The following SLC4A4 variants were observed in gnomAD, a reference collection of about 807,000 sequenced individuals.
SLC4A4 encodes the protein solute carrier family 4 member 4.
SLC4A4 carries 27 observed loss-of-function variants against 111.5 expected under a neutral mutation model. The ratio of observed to expected loss-of-function variants is 0.24; its 90% confidence interval spans 0.18 to 0.33. SLC4A4 has a LOEUF of 0.33. Ranked by LOEUF, SLC4A4 falls within the 10% of genes least tolerant of loss-of-function variation. The probability of loss-of-function intolerance (pLI) is 1.00; values close to 1 mark genes in which losing one functional copy is unlikely to be tolerated. For synonymous variants in SLC4A4, 443 were observed against 463.4 expected (o/e 0.96, Z 0.57); for missense variants, 909 against 1,315.5 (o/e 0.69, Z 4.78).
chr4:71,155,436 G>A (rs1410194868), intron 2 of SLC4A4, among the ~76,000 whole-genome samples: 1 of 151,998 alleles, frequency 6.6e-6, no homozygotes, highest in African/African-American at 2.4e-5. Context: ...CACAATTAAG[G>A]GGAAGCTCCA....
chr4:71,423,979 A>G (rs1379479516), intron 7 of SLC4A4, among the ~76,000 whole-genome samples: 2 of 151,446 alleles, frequency 1.3e-5, no homozygotes, highest in African/African-American at 4.8e-5. Context: ...ACAAAAGCCA[A>G]AATTGACAAA....
chr4:71,449,959 C>T (rs934384565), intron 9 of SLC4A4, among the ~76,000 whole-genome samples: 1 of 152,140 alleles, frequency 6.6e-6, no homozygotes, highest in Non-Finnish European at 1.5e-5. Context: ...GGTCTTAACC[C>T]GATCTTAACA....
intron 14 of SLC4A4, chr4:71,473,215 C>T (rs1728049813): frequency 3.1e-6 from 2 of 639,730 alleles, no homozygotes; most frequent in African/African-American, 1.8e-5. Flanking sequence ...TTGAAATTAA[C>T]TCAAACTGTG....
chr4:71,142,757 C>T (rs1213009317), intron 2 of SLC4A4, among the ~76,000 whole-genome samples: 1 of 128,046 alleles, frequency 7.8e-6, no homozygotes, highest in African/African-American at 2.8e-5. Flanking sequence ...AAACTTTTCT[C>T]ACTCTTTTTT....
intron 1 of SLC4A4, among the ~76,000 whole-genome samples, chr4:71,228,037 T>C (rs1719164753): frequency 6.6e-6 from 1 of 152,048 alleles, no homozygotes; most frequent in African/African-American, 2.4e-5. Flanking sequence ...TGAGTGTGAG[T>C]GTAGGCTAAG....
In SLC4A4 at chr4:71,248,017, CTTCTGGACAGAG is replaced by C. The variant is rs368999126; in HGVS notation, c.74-7200_74-7189del. On this transcript the variant is annotated intron_variant, in intron 2 of 25. Coordinates refer to ENST00000264485, the MANE Select transcript of SLC4A4 (RefSeq NM_001098484.3). ...CAGGGTGGAGATTGCCAAGCCCTTG[CTTCTGGACAGAG>C]TTAGGGAAGATTGAGGTTATGGAAG... Among the ~76,000 whole-genome samples, 406 of 152,258 alleles carry C rather than the reference CTTCTGGACAGAG, an allele frequency of 2.7e-3. 4 individuals are homozygous for C. Among genetic ancestry groups the C allele is most frequent in the African/African-American group, 9.5e-3 (395 of 41,552 alleles).
intron 18 of SLC4A4, among the ~76,000 whole-genome samples, chr4:71,538,080 G>T (rs1437098379): frequency 7.1e-6 from 1 of 141,392 alleles, no homozygotes; most frequent in Non-Finnish European, 1.5e-5. Context: ...TTTACCAAAG[G>T]CTAGAAATGG....
chr4:71,413,732 A>G (rs1231429751), intron 7 of SLC4A4, among the ~76,000 whole-genome samples: 1 of 152,142 alleles, frequency 6.6e-6, no homozygotes, highest in Non-Finnish European at 1.5e-5. Context: ...ACATGTATTA[A>G]CTTCTCTGGT....
intron 2 of SLC4A4, among the ~76,000 whole-genome samples, chr4:71,099,049 T>A (rs933388646): frequency 2.0e-5 from 3 of 152,116 alleles, no homozygotes; most frequent in Non-Finnish European, 4.4e-5. Context: ...AGATAGATCA[T>A]TGACGCAGAA....
chr4:71,426,233 G>A (rs1273981223), intron 7 of SLC4A4, among the ~76,000 whole-genome samples: 1 of 152,014 alleles, frequency 6.6e-6, no homozygotes, highest in Admixed American at 6.6e-5. Flanking sequence ...AATGAGGCAT[G>A]TCTTACCCCT....
In SLC4A4 at chr4:71,420,725, C is replaced by A. The variant is rs1236812373; in HGVS notation, c.808-19891C>A. On this transcript the variant is annotated intron_variant, in intron 7 of 25. Transcript: ENST00000264485. ...AATTTTCAACCCAGAATTTCATATC[C>A]AGCCAAACTAAGCTTCATAAGTGAA... Among the ~76,000 whole-genome samples the A allele has an allele frequency of 1.1e-3, 169 of 148,366 alleles. 2 individuals carry two copies. The highest frequency in any genetic ancestry group is 1.2e-3 in the Non-Finnish European group (78 of 66,330).
intron 15 of SLC4A4, among the ~76,000 whole-genome samples, chr4:71,490,129 CA>C (rs1032175093): frequency 2.6e-5 from 4 of 151,736 alleles, no homozygotes; most frequent in Non-Finnish European, 5.9e-5. Flanking sequence ...ACTTGCAAAC[CA>C]AATTCCTTAA....
At chr4:71,205,323 CTGA>C (rs1210876126) in intron 1 of SLC4A4, among the ~76,000 whole-genome samples, 2 of 152,168 alleles carry the variant, frequency 1.3e-5, no homozygotes, top group African/African-American at 2.4e-5. Context: ...GTGATTATTT[CTGA>C]TGAATGTTGT....
chr4:71,327,195 C>T (rs1560412480), intron 3 of SLC4A4, among the ~76,000 whole-genome samples: 1 of 151,994 alleles, frequency 6.6e-6, no homozygotes, highest in Non-Finnish European at 1.5e-5. Context: ...CAAAAGGGTA[C>T]ATTCGCAAAA....
chr4:71,523,254 A>G (rs1443947695), intron 16 of SLC4A4, among the ~76,000 whole-genome samples: 1 of 152,190 alleles, frequency 6.6e-6, no homozygotes, highest in East Asian at 1.9e-4. Context: ...CTCTGCTATC[A>G]CTAAAGGAGA....
intron 2 of SLC4A4, among the ~76,000 whole-genome samples, chr4:71,240,943 C>T (rs1045745930): frequency 2.6e-5 from 4 of 151,642 alleles, no homozygotes; most frequent in Admixed American, 1.3e-4. Context: ...CATGGCAAAA[C>T]CCCATGTCTA....
Position 71,397,613 on chromosome 4 carries a change from C to G in SLC4A4, c.767C>G (p.Ser256Cys). 2.5e-6 allele frequency: 4 copies of G among 1,613,942 alleles called. No individual in the cohort carries two copies. Among genetic ancestry groups the G allele is most frequent in the East Asian group, 4.5e-5 (2 of 44,858 alleles). The change falls in exon 7 of 26, where the codon TCC becomes TGC. Residue 256 changes from serine (S) to cysteine (C), a missense_variant. Coordinates refer to ENST00000264485, the MANE Select transcript of SLC4A4 (RefSeq NM_001098484.3). The stretch of plus-strand genomic sequence containing the variant: ...ATGACCCATAGGAATCTGACTTCCT[C>G]CAGTCTGAATGACATTTCTGATAAA... ...PAMTHRNLTS[S>C]SLNDISDKPE...
At chr4:71,503,334 C>T (rs1294872780) in intron 16 of SLC4A4, among the ~76,000 whole-genome samples, 1 of 151,188 alleles carries the variant, frequency 6.6e-6, no homozygotes, top group African/African-American at 2.4e-5. Context: ...TAGGTAAGGA[C>T]TTACTCCTAT....
chr4:71,299,236 G>A (rs192710323), intron 3 of SLC4A4, among the ~76,000 whole-genome samples: 24 of 152,318 alleles, frequency 1.6e-4, no homozygotes, highest in Admixed American at 1.5e-3. Flanking sequence ...AGGAAATAGG[G>A]CATTTGGAGA....
Sources: allele counts gnomAD v4.1 joint callset (sites outside exome capture counted in the v4.1 genomes callset), GRCh38; gene constraint gnomAD v4.1.1; transcripts MANE v1.5; gene names NCBI Gene and HGNC (gene_info 2026-07-23, HGNC 2026-07-21).